Variants in DDX10 observed in about 807,000 individuals in gnomAD.
DDX10 encodes probable ATP-dependent RNA helicase DDX10.
DDX10 carries 74 observed loss-of-function variants against 104.3 expected under a neutral mutation model. That is an observed-to-expected ratio of 0.71 (90% CI 0.59 to 0.86). The LOEUF is 0.86. Among genes scored for constraint, DDX10 ranks in the 40% least tolerant of loss-of-function variants. DDX10 has a pLI of 0.00. For missense variants in DDX10, 952 were observed against 1,040.0 expected (o/e 0.92, Z 1.16); for synonymous variants, 351 against 353.4 (o/e 0.99, Z 0.08).
At chr11:108,883,543 T>G (rs1470312570) in intron 16 of DDX10, among the ~76,000 whole-genome samples, 1 of 152,112 alleles carries the variant, frequency 6.6e-6, no homozygotes, top group African/African-American at 2.4e-5. Context: ...AAACATGTTA[T>G]CTCTCTAATA....
At chr11:108,834,570 CT>C (rs546497683) in intron 13 of DDX10, among the ~76,000 whole-genome samples, 11 of 152,054 alleles carry the variant, frequency 7.2e-5, no homozygotes, top group Non-Finnish European at 1.5e-4. Flanking sequence ...TTTCCTAGTA[CT>C]TTTTGTTTAC....
At chr11:108,794,950 C>T (rs1043945648) in intron 13 of DDX10, among the ~76,000 whole-genome samples, 2 of 152,038 alleles carry the variant, frequency 1.3e-5, no homozygotes, top group African/African-American at 4.8e-5. Context: ...GCCTTAGCCT[C>T]CCCAATAGCT....
intron 6 of DDX10, among the ~76,000 whole-genome samples, chr11:108,685,533 T>TATTCG (rs1477906625): frequency 2.0e-5 from 3 of 152,196 alleles, no homozygotes; most frequent in African/African-American, 7.2e-5. Context: ...GAGCTGTTCC[T>TATTCG]ATTCGGCCAT....
chr11:108,746,705 C>G (rs562620321), intron 13 of DDX10, among the ~76,000 whole-genome samples: 4 of 152,244 alleles, frequency 2.6e-5, no homozygotes, highest in East Asian at 3.9e-4. Context: ...TCTTCCACAT[C>G]CTCACTGTCA....
chr11:108,739,802 T>C (rs1457946476), intron 13 of DDX10, among the ~76,000 whole-genome samples: 1 of 152,166 alleles, frequency 6.6e-6, no homozygotes, highest in East Asian at 1.9e-4. Context: ...GAGTATCTTG[T>C]GTGAAATCAT....
chr11:108,716,820 A>G (rs1455373550), intron 11 of DDX10, among the ~76,000 whole-genome samples: 1 of 152,198 alleles, frequency 6.6e-6, no homozygotes, highest in African/African-American at 2.4e-5. Flanking sequence ...CTGGTATGTA[A>G]CATGTTTTGA....
chr11:108,938,608 A>G (rs560177621), intron 17 of DDX10, among the ~76,000 whole-genome samples: 229 of 152,330 alleles, frequency 1.5e-3, no homozygotes, highest in African/African-American at 5.3e-3. Context: ...ACTAAGAATT[A>G]TTTTAATTCT....
intron 13 of DDX10, among the ~76,000 whole-genome samples, chr11:108,778,019 A>G (rs373709520): frequency 6.6e-6 from 1 of 152,326 alleles, no homozygotes; most frequent in South Asian, 2.1e-4. Flanking sequence ...GGAGAACTAC[A>G]AACCACTGCT....
chr11:108,764,879 AT>A (rs2134519672), intron 13 of DDX10, among the ~76,000 whole-genome samples: 1 of 152,336 alleles, frequency 6.6e-6, no homozygotes, highest in East Asian at 1.9e-4. Flanking sequence ...ATCTGTAGTG[AT>A]TCTAGTGTAA....
At chr11:108,803,910 A>G (rs1862060649) in intron 13 of DDX10, among the ~76,000 whole-genome samples, 1 of 152,176 alleles carries the variant, frequency 6.6e-6, no homozygotes, top group Non-Finnish European at 1.5e-5. Context: ...GTTACATGAA[A>G]CAATCCCATT....
intron 15 of DDX10, among the ~76,000 whole-genome samples, chr11:108,842,712 T>C (rs1862657827): frequency 6.6e-6 from 1 of 152,260 alleles, no homozygotes; most frequent in South Asian, 2.1e-4. Context: ...ATTGCTGCTC[T>C]TAGTGCAGCA....
At chr11:108,706,926 C>T (rs996702977) in intron 10 of DDX10, 89 bp downstream of exon 10, 8 of 1,063,002 alleles carry the variant, frequency 7.5e-6, no homozygotes, top group Non-Finnish European at 1.2e-5. Flanking sequence ...TGCCCCTTCC[C>T]CTAATTTATT....
chr11:108,914,957 A>G (rs934565825), intron 16 of DDX10, among the ~76,000 whole-genome samples: 4 of 152,068 alleles, frequency 2.6e-5, no homozygotes, highest in Non-Finnish European at 4.4e-5. Context: ...AAACCTGAAC[A>G]CCCAGTAGAA....
chr11:108,805,132 A>G lies in DDX10; in HGVS notation c.1966-33314A>G, dbSNP rs1024236420. ...TGGTAAATAAACCTCAAGTGATTAC[A>G]AATGGTATATTTTATTGCTTATATA... On this transcript the variant is annotated intron_variant, in intron 13 of 17. Coordinates refer to ENST00000322536, the MANE Select transcript of DDX10 (RefSeq NM_004398.4). Among the ~76,000 whole-genome samples, 6 of 152,364 alleles carry G rather than the reference A, an allele frequency of 3.9e-5. No homozygotes were observed. In the South Asian group the frequency reaches 6.2e-4, roughly 16 times the overall value.
intron 13 of DDX10, among the ~76,000 whole-genome samples, chr11:108,775,346 A>C (rs1032294622): frequency 1.3e-5 from 2 of 152,234 alleles, no homozygotes; most frequent in Non-Finnish European, 2.9e-5. Flanking sequence ...TCACAAGGAA[A>C]CACACAGTTA....
chr11:108,665,441 G>C, intron 1 of DDX10, 102 bp downstream of exon 1: 1 of 1,356,608 alleles, frequency 7.4e-7, no homozygotes, highest in Admixed American at 3.1e-5. Context: ...CTGTCACCGG[G>C]ACCCGGCCGG....
At chr11:108,788,958 T>C (rs1393499726) in intron 13 of DDX10, among the ~76,000 whole-genome samples, 4 of 152,142 alleles carry the variant, frequency 2.6e-5, no homozygotes, top group African/African-American at 7.2e-5. Context: ...TGTTAGATGT[T>C]CTGGTCCCCG....
intron 13 of DDX10, among the ~76,000 whole-genome samples, chr11:108,742,741 C>G (rs1260104302): frequency 6.6e-6 from 1 of 151,942 alleles, no homozygotes; most frequent in Non-Finnish European, 1.5e-5. Flanking sequence ...TACAAAAAAC[C>G]CTTAGACTGT....
chr11:108,708,535 C>T (rs1456474005), intron 10 of DDX10, among the ~76,000 whole-genome samples: 3 of 150,476 alleles, frequency 2.0e-5, no homozygotes, highest in African/African-American at 7.3e-5. Flanking sequence ...GTTTCAAATT[C>T]CATTTATTTA....
Sources: allele counts gnomAD v4.1 joint callset (sites outside exome capture counted in the v4.1 genomes callset), GRCh38; gene constraint gnomAD v4.1.1; transcripts MANE v1.5; gene names NCBI Gene and HGNC (gene_info 2026-07-23, HGNC 2026-07-21).